The following NPHS2 variants were observed in gnomAD, a reference collection of about 807,000 sequenced individuals.
NPHS2 encodes podocin.
Under a neutral mutation model 37.1 loss-of-function variants are expected in NPHS2, and 36 were observed. The ratio of observed to expected loss-of-function variants is 0.97; its 90% CI spans 0.74 to 1.28. The LOEUF (loss-of-function observed/expected upper bound fraction) is 1.28, where lower values mean the gene tolerates loss of function less well. Ranked by LOEUF, NPHS2 falls within the 50% of genes most tolerant of loss-of-function variation. NPHS2 has a pLI of 0.00. For missense variants in NPHS2, 447 were observed against 488.1 expected (o/e 0.92, Z 0.79); for synonymous variants, 196 against 189.3 (o/e 1.04, Z -0.29).
intron 4 of NPHS2, 141 bp from the exon 5 acceptor site, chr1:179,557,371 A>T: frequency 1.4e-6 from 1 of 691,770 alleles, no homozygotes; most frequent in Non-Finnish European, 2.6e-6. Flanking sequence ...TAAAATAGAC[A>T]TGTTTTTGAA....
chr1:179,565,751 G>A (rs1373231437), intron 1 of NPHS2, among the ~76,000 whole-genome samples: 1 of 148,094 alleles, frequency 6.8e-6, no homozygotes, highest in African/African-American at 2.5e-5. Flanking sequence ...GCCCCAGTGT[G>A]TGATGTTCAC....
rs191611934 is a variant in NPHS2, at chr1:179,556,216, G to C, written c.738+811C>G. On this transcript the variant is annotated intron_variant, in intron 5 of 7. Transcript: ENST00000367615. This position sits in a 1 kb window ranked among gnomAD's most constrained non-coding sequence, Gnocchi z 4.1. The stretch of plus-strand genomic sequence containing the variant: ...GCCACCAGTGCCTTTGATTCTTGGG[G>C]TCCCTCTATTTGAGGTCCTCCTTCC... 1.2e-3 allele frequency among the ~76,000 whole-genome samples: 186 copies of C among 152,310 alleles called. No homozygotes were observed. Among genetic ancestry groups the C allele is most frequent in the African/African-American group, 4.3e-3 (179 of 41,570 alleles).
Position 179,556,730 on chromosome 1 carries a change from G to A in NPHS2, c.738+297C>T, listed in dbSNP as rs566981817. On this transcript the variant is annotated intron_variant, in intron 5 of 7. Coordinates refer to ENST00000367615, the MANE Select transcript of NPHS2 (RefSeq NM_014625.4). This position sits in a 1 kb window ranked among gnomAD's most constrained non-coding sequence, Gnocchi z 4.1. ...CCTGTCCATCCCCACCAACCCCACC[G>A]TTCCTGCCAGCAATCATTCTGAATA... Among the ~76,000 whole-genome samples the A allele has an allele frequency of 5.9e-5, 9 of 152,126 alleles. No homozygotes were observed. Among genetic ancestry groups the A allele is most frequent in the East Asian group, 3.9e-4 (2 of 5,170 alleles).
chr1:179,556,914 G>A lies in NPHS2; in HGVS notation c.738+113C>T. The A allele has an allele frequency of 9.7e-7, 1 of 1,034,630 alleles. No homozygotes were observed. Among genetic ancestry groups the A allele is most frequent in the Non-Finnish European group, 1.5e-6 (1 of 688,476 alleles). 64.1% of individuals were successfully genotyped at this position (1,034,630 alleles called of 1,614,324 possible). A position where few individuals can be genotyped will look rare whatever the true frequency, so the allele number is the denominator to read the frequency against. ...TCCTAACTAGCTATGAGCTCCCAAA[G>A]GGATGGCCCCTAAGGGATGGAACTG... is the stretch of plus-strand genomic sequence containing the variant. On this transcript the variant is annotated intron_variant, in intron 5 of 7. Coordinates refer to ENST00000367615, the MANE Select transcript of NPHS2 (RefSeq NM_014625.4). The surrounding 1 kb of genome is among the most constrained non-coding windows in gnomAD (Gnocchi z 4.1).
intron 3 of NPHS2, among the ~76,000 whole-genome samples, 184 bp downstream of exon 3, chr1:179,561,105 A>T (rs1351435115): frequency 1.3e-5 from 2 of 152,208 alleles, no homozygotes; most frequent in East Asian, 3.9e-4. Context: ...TTGGCTACCT[A>T]TGACCTAGTA....
rs770990923 is a variant in NPHS2, at chr1:179,551,195, T to C, written c.1130A>G (p.Lys377Arg). ...TTCCTATAACATGGGAGAGTCTTTC[T>C]TTTTAGGATTTAGTGGCTCAACAGG... Reference protein sequence around the residue: ...SKPVEPLNPKKKDSPML With the variant: ...SKPVEPLNPKRKDSPML The change falls in exon 8 of 8, where the codon AAG becomes AGG. Residue 377 changes from lysine (K) to arginine (R), a missense_variant. By Grantham distance (26) the Lys-to-Arg change is conservative (BLOSUM62 2). Transcript: ENST00000367615. 1.4e-4 allele frequency: 226 copies of C among 1,613,984 alleles called. No homozygotes were observed. Among genetic ancestry groups the C allele is most frequent in the Non-Finnish European group, 1.8e-4 (209 of 1,180,022 alleles).
At position 179,568,375 on chromosome 1, in the gene NPHS2, TA is replaced by T. The variant is rs1295637356; in HGVS notation, c.275-3583del. Among the ~76,000 whole-genome samples, 6 of 152,336 alleles carry T rather than the reference TA, an allele frequency of 3.9e-5. No homozygotes were observed. In the East Asian group the frequency reaches 1.2e-3, roughly 29 times the overall value. On this transcript the variant is annotated intron_variant, in intron 1 of 7. Transcript: ENST00000367615. The stretch of plus-strand genomic sequence containing the variant: ...TACAGTATTCTCTGATGGTAGTTTG[TA>T]TTTCTGTGAGATAGGTGGTGATATC...
chr1:179,575,564 T>C lies in NPHS2; in HGVS notation c.274+27A>G, dbSNP rs535688330. The C allele has an allele frequency of 2.7e-4, 430 of 1,599,664 alleles. 1 individual carries two copies. The highest frequency in any genetic ancestry group is 4.0e-4 in the Admixed American group (24 of 60,022). On this transcript the variant is annotated intron_variant, in intron 1 of 7. Transcript: ENST00000367615. ...GCCCCTTAGTTACCACCTGGAAAAG[T>C]AGCAGATAGTGGTGCTGAATCCGTA...
intron 7 of NPHS2, chr1:179,551,878 G>C (rs191649074): frequency 4.9e-6 from 1 of 204,664 alleles, no homozygotes; most frequent in East Asian, 1.2e-4. Flanking sequence ...CCTGAAAGTG[G>C]GTGAAGAGGA....
At chr1:179,569,329 C>CTTTGTTGGA (rs199964608) in intron 1 of NPHS2, among the ~76,000 whole-genome samples, 1 of 1,554 alleles carries the variant, frequency 6.4e-4, no homozygotes, top group Non-Finnish European at 2.0e-3. Context: ...CCCTTCTGAT[C>CTTTGTTGGA]TTAAAGTCTG....
rs1447070878 is a variant in NPHS2, at chr1:179,554,483, T to G, written c.787A>C (p.Ile263Leu). The change falls in exon 6 of 8, where the codon ATA becomes CTA. Residue 263 changes from isoleucine to leucine, a missense_variant. Ile to Leu is a conservative substitution (Grantham distance 5, BLOSUM62 2). Coordinates refer to ENST00000367615, the MANE Select transcript of NPHS2 (RefSeq NM_014625.4). ...TCIWGIKVER[I>L]EIKDVRLPAG... ...AGTTAATTTCCTACCCACATTTCTA[T>G]TCTCTCCACTTTGATTCCCCAAATA... The G allele has an allele frequency of 2.5e-6, 4 of 1,614,050 alleles. No homozygotes were observed. The highest frequency in any genetic ancestry group is 3.4e-6 in the Non-Finnish European group (4 of 1,180,028).
chr1:179,551,715 C>T lies in NPHS2; in HGVS notation c.874-264G>A, dbSNP rs1673309309. On this transcript the variant is annotated intron_variant, in intron 7 of 7. Coordinates refer to ENST00000367615, the MANE Select transcript of NPHS2 (RefSeq NM_014625.4). ...GGGGAGTTATTAGCATCTGGTGGGCCTTGAAAGATTAGGATTTTGCCAACA... is the reference window on the plus strand; with the variant it reads ...GGGGAGTTATTAGCATCTGGTGGGCTTTGAAAGATTAGGATTTTGCCAACA... 3 of 466,014 alleles carry T rather than the reference C, an allele frequency of 6.4e-6. No homozygotes were observed. In the South Asian group the frequency reaches 8.3e-5, roughly 13 times the overall value. The allele number at this position is 466,014 out of a possible 1,614,324, so 28.9% of individuals were successfully genotyped here. A position where few individuals can be genotyped will look rare whatever the true frequency, so the allele number is the denominator to read the frequency against.
At chr1:179,552,576 G>A (rs369430623) in intron 7 of NPHS2, 27 bp downstream of exon 7, 34 of 1,597,144 alleles carry the variant, frequency 2.1e-5, no homozygotes, top group Middle Eastern at 1.7e-4. Flanking sequence ...CTAAAGGGCA[G>A]TCTGGGTGGG....
At chr1:179,571,266 G>GGTT (rs1674540244) in intron 1 of NPHS2, among the ~76,000 whole-genome samples, 2 of 152,196 alleles carry the variant, frequency 1.3e-5, no homozygotes, top group African/African-American at 4.8e-5. Flanking sequence ...TGACCTTTTT[G>GGTT]TTGATGTTGA....
intron 3 of NPHS2, 78 bp downstream of exon 3, chr1:179,561,211 A>G: frequency 1.1e-6 from 1 of 930,056 alleles, no homozygotes; most frequent in Non-Finnish European, 1.8e-6. Flanking sequence ...TCTGAGGTCC[A>G]TATTACAAAT....
In NPHS2 at chr1:179,556,502, C is replaced by T. The variant is rs1015591298; in HGVS notation, c.738+525G>A. ...AGCTGCTTGTGAAGCAGTTCTTGCT[C>T]TTTCCCCTCTAATTCCAAATTGATT... On this transcript the variant is annotated intron_variant, in intron 5 of 7. Transcript: ENST00000367615. The surrounding 1 kb of genome is among the most constrained non-coding windows in gnomAD (Gnocchi z 4.1). Among the ~76,000 whole-genome samples the T allele has an allele frequency of 6.6e-6, 1 of 152,230 alleles. No individual in the cohort carries two copies. Among genetic ancestry groups the T allele is most frequent in the Non-Finnish European group, 1.5e-5 (1 of 68,046 alleles).
At chr1:179,567,708 T>C (rs1674388710) in intron 1 of NPHS2, among the ~76,000 whole-genome samples, 1 of 152,228 alleles carries the variant, frequency 6.6e-6, no homozygotes, top group South Asian at 2.1e-4. Context: ...GGGTTTGTCC[T>C]AAATAGCTCT....
At chr1:179,574,145 C>G (rs1674669473) in intron 1 of NPHS2, among the ~76,000 whole-genome samples, 1 of 152,180 alleles carries the variant, frequency 6.6e-6, no homozygotes, top group East Asian at 1.9e-4. Context: ...TGCTTGAGGT[C>G]TCCTGCTTTT....
rs141885722 is a variant in NPHS2, at chr1:179,561,786, G to C, written c.379-425C>G. Among the ~76,000 whole-genome samples the C allele has an allele frequency of 5.7e-3, 863 of 152,148 alleles. 3 individuals are homozygous for C. Among genetic ancestry groups the C allele is most frequent in the Middle Eastern group, 0.01 (3 of 294 alleles). ...GTTTCAGAGTGCAATTTCTTCTGAG[G>C]CTGCTTCAAAATGATTCAATTGGAT... is the stretch of plus-strand genomic sequence containing the variant. On this transcript the variant is annotated intron_variant, in intron 2 of 7. Transcript: ENST00000367615.
Sources: allele counts gnomAD v4.1 joint callset (sites outside exome capture counted in the v4.1 genomes callset), GRCh38; gene constraint gnomAD v4.1.1; non-coding constraint Gnocchi (gnomAD v3.1); transcripts MANE v1.5; gene names NCBI Gene and HGNC (gene_info 2026-07-23, HGNC 2026-07-21).